The following TENM4 variants were observed in gnomAD, a reference collection of about 807,000 sequenced individuals.
TENM4 encodes teneurin-4.
In TENM4, 82 loss-of-function variants were observed where a neutral mutation model predicts 243.3. The observed-to-expected ratio is 0.34, with a 90% CI of 0.28 to 0.40. The LOEUF (loss-of-function observed/expected upper bound fraction) is 0.40. Among genes scored for constraint, TENM4 ranks in the 10% least tolerant of loss-of-function variants. The probability of loss-of-function intolerance (pLI) is 1.00; values close to 1 mark genes in which losing one functional copy is unlikely to be tolerated. For synonymous variants in TENM4, 1,412 were observed against 1,456.3 expected (o/e 0.97, Z 0.69); for missense variants, 3,138 against 3,673.3 (o/e 0.85, Z 3.77).
At chr11:79,151,198 A>G (rs1862504613) in intron 3 of TENM4, among the ~76,000 whole-genome samples, 1 of 152,156 alleles carries the variant, frequency 6.6e-6, no homozygotes, top group South Asian at 2.1e-4. Context: ...TGTGCTGAGA[A>G]AATTCTGTTT....
At chr11:78,863,242 G>T in intron 9 of TENM4, 110 bp from the exon 10 acceptor site, 3 of 1,204,352 alleles carry the variant, frequency 2.5e-6, no homozygotes, top group South Asian at 2.0e-5. Context: ...ATTCAGTTCA[G>T]TTCAACAAGT....
chr11:78,831,009 A>G (rs899860739), intron 12 of TENM4, among the ~76,000 whole-genome samples: 1 of 152,208 alleles, frequency 6.6e-6, no homozygotes, highest in Admixed American at 6.5e-5. Context: ...AAACTCATAC[A>G]TTATTTCATA....
At chr11:79,337,101 G>A (rs926984065) in intron 1 of TENM4, among the ~76,000 whole-genome samples, 1 of 152,238 alleles carries the variant, frequency 6.6e-6, no homozygotes, top group Non-Finnish European at 1.5e-5. Context: ...CCTTTGAAAA[G>A]TTTAAGTTTT....
chr11:78,979,806 C>T (rs1321155196), intron 6 of TENM4, among the ~76,000 whole-genome samples: 1 of 152,186 alleles, frequency 6.6e-6, no homozygotes, highest in Non-Finnish European at 1.5e-5. Context: ...GTCCCGACTC[C>T]CTGGGCTCTA....
chr11:79,288,099 C>T (rs1856289147), intron 2 of TENM4, among the ~76,000 whole-genome samples: 2 of 152,330 alleles, frequency 1.3e-5, no homozygotes, highest in South Asian at 4.1e-4. Flanking sequence ...GATATAGGCA[C>T]AGGCATTCAG....
chr11:79,162,092 G>T (rs527408876), intron 3 of TENM4, among the ~76,000 whole-genome samples: 1 of 152,166 alleles, frequency 6.6e-6, no homozygotes, highest in South Asian at 2.1e-4. Flanking sequence ...TCTCCTTGAC[G>T]GGATGGCCAA....
At chr11:78,746,844 T>C (rs910785299) in intron 19 of TENM4, among the ~76,000 whole-genome samples, 1 of 152,194 alleles carries the variant, frequency 6.6e-6, no homozygotes, top group Non-Finnish European at 1.5e-5. Flanking sequence ...GTTTGTGCTG[T>C]TAGAAAAATA....
chr11:78,710,033 C>T (rs982231499), intron 26 of TENM4, among the ~76,000 whole-genome samples: 2 of 152,188 alleles, frequency 1.3e-5, no homozygotes, highest in Non-Finnish European at 2.9e-5. Flanking sequence ...AGGACAGACT[C>T]AAGAGGGTCA....
At chr11:79,346,017 G>A (rs146941693) in intron 1 of TENM4, among the ~76,000 whole-genome samples, 2 of 152,262 alleles carry the variant, frequency 1.3e-5, no homozygotes, top group East Asian at 3.9e-4. Flanking sequence ...TCTCCATAGA[G>A]TTGACAGAAA....
intron 6 of TENM4, among the ~76,000 whole-genome samples, chr11:78,926,677 G>GTTTTTTTTTTTTTTT (rs754243078): frequency 7.9e-6 from 1 of 127,296 alleles, no homozygotes; most frequent in African/African-American, 3.1e-5. Context: ...GGTGTTTTTT[G>GTTTTTTTTTTTTTTT]TTTTTTTTTT....
At chr11:78,972,370 T>G (rs1017875778) in intron 6 of TENM4, among the ~76,000 whole-genome samples, 3 of 152,294 alleles carry the variant, frequency 2.0e-5, no homozygotes, top group Non-Finnish European at 4.4e-5. Context: ...CTGTGAGTTA[T>G]GTTGGAAAAA....
intron 3 of TENM4, among the ~76,000 whole-genome samples, chr11:79,162,966 C>A (rs1489565158): frequency 6.6e-6 from 1 of 152,194 alleles, no homozygotes; most frequent in Non-Finnish European, 1.5e-5. Context: ...TTCTGCAGGC[C>A]CAAGGTGCGC....
intron 1 of TENM4, among the ~76,000 whole-genome samples, chr11:79,340,871 C>G (rs542347491): frequency 2.0e-5 from 3 of 152,238 alleles, no homozygotes; most frequent in African/African-American, 7.2e-5. Flanking sequence ...TGTCCTAATC[C>G]CCAGAGTCTA....
At chr11:79,363,541 C>T (rs1857626415) in intron 1 of TENM4, among the ~76,000 whole-genome samples, 1 of 152,196 alleles carries the variant, frequency 6.6e-6, no homozygotes, top group South Asian at 2.1e-4. Flanking sequence ...CTCATGTTTC[C>T]TCATCTGATA....
rs148238325 is a variant in TENM4 at position 79,090,642 on chromosome 11, C to T, written c.-65-20633G>A. ...AGTGCCTGGGCTGGGATTTGAACCCCGAACTCCATCCCCTGTGCGCCTCTG... is the reference window on the plus strand; with the variant it reads ...AGTGCCTGGGCTGGGATTTGAACCCTGAACTCCATCCCCTGTGCGCCTCTG... On this transcript the variant is annotated intron_variant, in intron 4 of 33. Coordinates refer to ENST00000278550, the MANE Select transcript of TENM4 (RefSeq NM_001098816.3). Among the ~76,000 whole-genome samples the T allele has an allele frequency of 4.5e-3, 684 of 152,316 alleles. 6 individuals are homozygous for T. The highest frequency in any genetic ancestry group is 0.016 in the African/African-American group (657 of 41,552).
chr11:79,440,073 G>C lies in TENM4; in HGVS notation c.-321+436C>G, dbSNP rs1859367521. 6.6e-6 allele frequency among the ~76,000 whole-genome samples: 1 copy of C among 152,144 alleles called. No homozygotes were observed. Among genetic ancestry groups the C allele is most frequent in the Admixed American group, 6.5e-5 (1 of 15,286 alleles). On this transcript the variant is annotated intron_variant, in intron 1 of 33. Coordinates refer to ENST00000278550, the MANE Select transcript of TENM4 (RefSeq NM_001098816.3). The surrounding 1 kb of genome is among the most constrained non-coding windows in gnomAD (Gnocchi z 4.7). ...GGCAGGCTGCAGCCGCTGAAGCCCGGCGCCGCCTCGCGGGCTCCTCCAGCG... is the reference window on the plus strand; with the variant it reads ...GGCAGGCTGCAGCCGCTGAAGCCCGCCGCCGCCTCGCGGGCTCCTCCAGCG...
In TENM4 at chr11:79,440,998, ACACACGCACACG is replaced by A. The variant is rs1034645029; in HGVS notation, c.-822_-811del. The A allele has an allele frequency of 6.5e-6, 1 of 153,130 alleles. No homozygotes were observed. The highest frequency in any genetic ancestry group is 1.4e-5 in the Non-Finnish European group (1 of 68,990). The allele number at this position is 153,130 out of a possible 1,614,324, so 9.5% of individuals were successfully genotyped here. ...GGGCGAGCGAGAGAGAGACACACACACACACGCACACGCACACGCAGGTTACATGAATGGGAG... is the reference window on the plus strand; with the variant it reads ...GGGCGAGCGAGAGAGAGACACACACACACACGCAGGTTACATGAATGGGAG... On this transcript the variant is annotated 5_prime_UTR_variant, in exon 1 of 34. Coordinates refer to ENST00000278550, the MANE Select transcript of TENM4 (RefSeq NM_001098816.3). The surrounding 1 kb of genome is among the most constrained non-coding windows in gnomAD (Gnocchi z 4.7).
intron 6 of TENM4, among the ~76,000 whole-genome samples, chr11:79,063,182 C>A (rs551807665): frequency 1.3e-5 from 2 of 152,294 alleles, no homozygotes; most frequent in Admixed American, 1.3e-4. Flanking sequence ...ATTTCCCCCA[C>A]CTGACCCTGA....
At chr11:78,977,573 C>T (rs1204945234) in intron 6 of TENM4, among the ~76,000 whole-genome samples, 1 of 152,234 alleles carries the variant, frequency 6.6e-6, no homozygotes, top group African/African-American at 2.4e-5. Context: ...AGGTTCTCCT[C>T]AGCAGGTGGT....
Sources: allele counts gnomAD v4.1 joint callset (sites outside exome capture counted in the v4.1 genomes callset), GRCh38; gene constraint gnomAD v4.1.1; non-coding constraint Gnocchi (gnomAD v3.1); transcripts MANE v1.5; gene names NCBI Gene and HGNC (gene_info 2026-07-23, HGNC 2026-07-21).